Variants in MAPRE2 observed in about 807,000 individuals in gnomAD.
MAPRE2 encodes the protein microtubule associated protein RP/EB family member 2.
Under a neutral mutation model 43.2 loss-of-function variants are expected in MAPRE2, and 13 were observed. That is an observed-to-expected ratio of 0.30 (90% CI 0.20 to 0.48). The LOEUF (loss-of-function observed/expected upper bound fraction) is 0.48. Ranked by LOEUF, MAPRE2 falls within the 20% of genes least tolerant of loss-of-function variation. The probability of loss-of-function intolerance (pLI) is 0.99; values close to 1 mark genes in which losing one functional copy is unlikely to be tolerated. For missense variants in MAPRE2, 161 were observed against 400.2 expected (o/e 0.40, Z 5.10); for synonymous variants, 135 against 148.8 (o/e 0.91, Z 0.68).
chr18:35,002,063 CT>C (rs2097029660), intron 1 of MAPRE2, among the ~76,000 whole-genome samples: 1 of 152,086 alleles, frequency 6.6e-6, no homozygotes, highest in African/African-American at 2.4e-5. Context: ...TTTGTGTTGC[CT>C]TTTATAATCA....
chr18:35,041,724 C>A, intron 1 of MAPRE2, 63 bp downstream of exon 1: 1 of 1,612,100 alleles, frequency 6.2e-7, no homozygotes, highest in Non-Finnish European at 8.5e-7. Context: ...AAATCCAGCC[C>A]GTTATATAAT....
At chr18:35,051,462 C>T (rs1034426040) in intron 1 of MAPRE2, among the ~76,000 whole-genome samples, 4 of 152,190 alleles carry the variant, frequency 2.6e-5, no homozygotes, top group African/African-American at 9.7e-5. Flanking sequence ...ATAGCATTGT[C>T]ATAACAATGA....
chr18:34,998,396 G>A (rs533339249), intron 1 of MAPRE2, among the ~76,000 whole-genome samples: 387 of 146,236 alleles, frequency 2.6e-3, no homozygotes, highest in African/African-American at 4.3e-3. Context: ...GCGCCATCTC[G>A]GCTCACTGCA....
At chr18:35,103,031 G>A (rs1448455841) in intron 4 of MAPRE2, among the ~76,000 whole-genome samples, 1 of 152,086 alleles carries the variant, frequency 6.6e-6, no homozygotes, top group African/African-American at 2.4e-5. Flanking sequence ...CCACATAGGT[G>A]GTAAGAGCTT....
intron 2 of MAPRE2, chr18:35,082,348 A>G (rs1361838111): frequency 6.6e-6 from 1 of 151,980 alleles, no homozygotes; most frequent in Non-Finnish European, 1.5e-5. Flanking sequence ...TAAAAATGGC[A>G]TTCTCTAAAG....
In MAPRE2 at chr18:35,041,505, C is replaced by G. The variant is rs954166966; in HGVS notation, c.-35C>G. ...CAGCCACCTTCCTCACCAGCCAGCC[C>G]ACAGCGGTTTGTTCCCCTTCTCGGG... On this transcript the variant is annotated 5_prime_UTR_variant, in exon 1 of 7. Coordinates refer to ENST00000300249, the MANE Select transcript of MAPRE2 (RefSeq NM_014268.4). The G allele has an allele frequency of 7.4e-6, 12 of 1,613,856 alleles. No homozygotes were observed. Among genetic ancestry groups the G allele is most frequent in the Non-Finnish European group, 1.0e-5 (12 of 1,180,002 alleles).
At chr18:35,118,440 G>A (rs1278402845) in intron 4 of MAPRE2, among the ~76,000 whole-genome samples, 2 of 152,156 alleles carry the variant, frequency 1.3e-5, no homozygotes, top group African/African-American at 4.8e-5. Flanking sequence ...CAAAACATAG[G>A]TTTTGTGAAA....
chr18:34,993,372 G>A (rs1163575599), intron 1 of MAPRE2, among the ~76,000 whole-genome samples: 1 of 151,424 alleles, frequency 6.6e-6, no homozygotes, highest in African/African-American at 2.4e-5. Flanking sequence ...CAAAGTGTTG[G>A]GATTACAGGC....
At chr18:35,007,094 A>G (rs2097032199) in intron 2 of MAPRE2, among the ~76,000 whole-genome samples, 1 of 152,224 alleles carries the variant, frequency 6.6e-6, no homozygotes, top group Non-Finnish European at 1.5e-5. Context: ...GGCATTAGAA[A>G]TAGGAAGAAC....
At chr18:35,045,515 C>A (rs1273809664) in intron 1 of MAPRE2, among the ~76,000 whole-genome samples, 1 of 152,054 alleles carries the variant, frequency 6.6e-6, no homozygotes, top group Admixed American at 6.5e-5. Flanking sequence ...AAGCCTAAAG[C>A]ATTGGCCATA....
chr18:35,094,342 G>A (rs929477399), intron 2 of MAPRE2, among the ~76,000 whole-genome samples: 2 of 152,046 alleles, frequency 1.3e-5, no homozygotes, highest in African/African-American at 4.8e-5. Context: ...AGAATAAATG[G>A]CATGATAAAA....
intron 1 of MAPRE2, among the ~76,000 whole-genome samples, chr18:35,046,685 C>T (rs1603393740): frequency 6.6e-6 from 1 of 152,326 alleles, no homozygotes. Flanking sequence ...GATCCCAATG[C>T]ACCACTGTGT....
chr18:35,125,330 T>C (rs1909860824), intron 4 of MAPRE2, among the ~76,000 whole-genome samples: 1 of 152,256 alleles, frequency 6.6e-6, no homozygotes, highest in Non-Finnish European at 1.5e-5. Flanking sequence ...CGGCTCTTGC[T>C]AATCTCTTGG....
At position 35,143,367 on chromosome 18, in the gene MAPRE2, C is replaced by T. The variant is rs993347543; in HGVS notation, c.*2998C>T. 2.0e-5 allele frequency: 3 copies of T among 151,886 alleles called. No homozygotes were observed. Among genetic ancestry groups the T allele is most frequent in the African/African-American group, 7.2e-5 (3 of 41,386 alleles). 9.4% of individuals were successfully genotyped at this position (151,886 alleles called of 1,614,324 possible). A position where few individuals can be genotyped will look rare whatever the true frequency, so the allele number is the denominator to read the frequency against. ...ATCACATTCATTTTACATTACCCAC[C>T]TATTGTCGCATGGTAGAATAGTTTT... On this transcript the variant is annotated 3_prime_UTR_variant, in exon 7 of 7. Transcript: ENST00000300249.
intron 1 of MAPRE2, among the ~76,000 whole-genome samples, chr18:35,044,996 G>A (rs1442066791): frequency 2.6e-5 from 4 of 152,174 alleles, no homozygotes; most frequent in Non-Finnish European, 2.9e-5. Flanking sequence ...AGAAAAGCAA[G>A]CTTCCTTTAG....
At chr18:35,107,734 GTAT>G (rs768784026) in intron 4 of MAPRE2, among the ~76,000 whole-genome samples, 11 of 152,032 alleles carry the variant, frequency 7.2e-5, no homozygotes, top group Non-Finnish European at 1.5e-4. Flanking sequence ...GTGTTTGATG[GTAT>G]TATTCAGATC....
intron 2 of MAPRE2, among the ~76,000 whole-genome samples, chr18:35,013,666 T>C (rs1377066564): frequency 6.6e-6 from 1 of 152,072 alleles, no homozygotes; most frequent in African/African-American, 2.4e-5. Context: ...TCCCTATCCT[T>C]TCCTTCCCCC....
chr18:35,020,911 A>G (rs983014761), intron 2 of MAPRE2, among the ~76,000 whole-genome samples: 1 of 152,196 alleles, frequency 6.6e-6, no homozygotes, highest in African/African-American at 2.4e-5. Context: ...TGGCACAAGA[A>G]ACAGAATTAT....
chr18:35,107,449 T>C (rs1176615574), intron 4 of MAPRE2, among the ~76,000 whole-genome samples: 1 of 152,210 alleles, frequency 6.6e-6, no homozygotes, highest in Non-Finnish European at 1.5e-5. Context: ...TATGAGCATT[T>C]GTTGAGCACC....
Sources: allele counts gnomAD v4.1 joint callset (sites outside exome capture counted in the v4.1 genomes callset), GRCh38; gene constraint gnomAD v4.1.1; transcripts MANE v1.5; gene names NCBI Gene and HGNC (gene_info 2026-07-23, HGNC 2026-07-21).